The following MGAT1 variants were observed in gnomAD, a reference collection of about 807,000 sequenced individuals.
MGAT1 encodes the protein alpha-1,3-mannosyl-glycoprotein 2-beta-N-acetylglucosaminyltransferase.
A neutral mutation model predicts 31.7 loss-of-function variants in MGAT1; 14 were observed. The ratio of observed to expected loss-of-function variants is 0.44; its 90% CI spans 0.29 to 0.69. The LOEUF (loss-of-function observed/expected upper bound fraction) is 0.69, where lower values mean the gene tolerates loss of function less well. MGAT1 is among the 30% of genes least tolerant of loss of function. The pLI is 0.12. For missense variants in MGAT1, 557 were observed against 626.0 expected (o/e 0.89, Z 1.18); for synonymous variants, 338 against 276.0 (o/e 1.22, Z -2.23).
chr5:180,798,428 C>A (rs142431353), intron 1 of MGAT1, among the ~76,000 whole-genome samples: 328 of 152,246 alleles, frequency 2.2e-3, no homozygotes, highest in African/African-American at 7.4e-3. Context: ...CATGTAAGGT[C>A]CACCTACCCT....
In MGAT1 at chr5:180,786,631, TCTTC is replaced by T. The variant is rs1303592105; in HGVS notation, c.*4999_*5002del. 2.0e-5 allele frequency: 3 copies of T among 152,578 alleles called. No individual in the cohort carries two copies. Among genetic ancestry groups the T allele is most frequent in the South Asian group, 4.1e-4 (2 of 4,828 alleles). The allele number at this position is 152,578 out of a possible 1,614,324, so 9.5% of individuals were successfully genotyped here. On this transcript the variant is annotated 3_prime_UTR_variant, in exon 2 of 2. Coordinates refer to ENST00000307826, the MANE Select transcript of MGAT1 (RefSeq NM_002406.4). ...GGCAGCTGCCATCCACCCTTTACCT[TCTTC>T]CTTCCTCCTTCTTCCTAAAACGTGT...
At chr5:180,814,587 G>A (rs1581936827) in intron 1 of MGAT1, among the ~76,000 whole-genome samples, 1 of 152,172 alleles carries the variant, frequency 6.6e-6, no homozygotes, top group African/African-American at 2.4e-5. Flanking sequence ...AAGTCACATG[G>A]CTTCCAGTAT....
rs781080104 is a variant in MGAT1, at chr5:180,791,689, C to T, written c.1283G>A (p.Arg428His). ...CGTCAGTGGGGGCGCCAGGTGGACA[C>T]GGCGGCCCCGGAACTGGAAGGTGAC... is the stretch of plus-strand genomic sequence containing the variant. Reference protein sequence around the residue: ...GIVTFQFRGRRVHLAPPLTWE... With the variant: ...GIVTFQFRGRHVHLAPPLTWE... Residue 428 changes from arginine (R) to histidine (H), a missense_variant, in exon 2 of 2, where the codon CGT becomes CAT. Arg to His is a conservative substitution (Grantham distance 29). Transcript: ENST00000307826. 20 of 1,613,706 alleles carry T rather than the reference C, an allele frequency of 1.2e-5. No homozygotes were observed. Among genetic ancestry groups the T allele is most frequent in the South Asian group, 2.2e-5 (2 of 91,086 alleles).
intron 1 of MGAT1, chr5:180,810,120 C>G (rs968656635): frequency 2.0e-5 from 3 of 151,208 alleles, no homozygotes; most frequent in East Asian, 3.9e-4. Context: ...CGATCCCCAG[C>G]GCTGGCCCAG....
upstream of MGAT1, among the ~76,000 whole-genome samples, chr5:180,806,404 T>A (rs903178093): frequency 6.6e-6 from 1 of 152,156 alleles, no homozygotes; most frequent in Non-Finnish European, 1.5e-5. Context: ...CCAATGGTTG[T>A]CTTGAAGGGA....
chr5:180,795,338 C>T (rs1200047283), intron 1 of MGAT1: 3 of 151,802 alleles, frequency 2.0e-5, no homozygotes, highest in Admixed American at 6.5e-5. Flanking sequence ...TCAAATTGTA[C>T]ACTTTATATG....
intron 1 of MGAT1, among the ~76,000 whole-genome samples, chr5:180,814,864 CG>C (rs1468216949): frequency 6.6e-6 from 1 of 150,730 alleles, no homozygotes; most frequent in African/African-American, 2.4e-5. Context: ...CGCTTGAACC[CG>C]GGGGGGCGGT....
At chr5:180,797,272 C>T (rs1423553861) in intron 1 of MGAT1, among the ~76,000 whole-genome samples, 2 of 151,990 alleles carry the variant, frequency 1.3e-5, no homozygotes, top group Admixed American at 6.6e-5. Flanking sequence ...TGTGGTGGTG[C>T]GTGCCTGTAA....
chr5:180,797,338 G>A, intron 1 of MGAT1, among the ~76,000 whole-genome samples: 2 of 149,110 alleles, frequency 1.3e-5, no homozygotes, highest in Non-Finnish European at 3.0e-5. Context: ...GGAGGCGGAG[G>A]TTGCAGTGAG....
In MGAT1 at chr5:180,792,745, C is replaced by G; in HGVS notation, c.227G>C (p.Gly76Ala). The G allele has an allele frequency of 6.5e-7, 1 of 1,547,890 alleles. No individual in the cohort carries two copies. ...ERQRGLLQQI[G>A]DALSSQRGRV... ...CCCCCGCTGGCTCGACAGGGCATCC[C>G]CGATCTGCTGCAGCAGCCCACGCTG... Residue 76 changes from glycine to alanine, a missense_variant, in exon 2 of 2, where the codon GGG becomes GCG. By Grantham distance (60) the Gly-to-Ala change is moderately conservative. Transcript: ENST00000307826.
intron 1 of MGAT1, among the ~76,000 whole-genome samples, chr5:180,812,148 A>G (rs1377680072): frequency 1.3e-5 from 2 of 152,118 alleles, no homozygotes; most frequent in African/African-American, 4.8e-5. Context: ...TTGATTTTTG[A>G]TTGCTATATC....
intron 1 of MGAT1, among the ~76,000 whole-genome samples, chr5:180,793,421 AACC>A: frequency 6.6e-6 from 1 of 152,146 alleles, no homozygotes. Context: ...CCATTCCTCT[AACC>A]TAAGCGCCCC....
At position 180,792,390 on chromosome 5, in the gene MGAT1, G is replaced by C. The variant is rs370893288; in HGVS notation, c.582C>G (p.Gly194=). ...GGAAGCGAAACTGCCGGAAGACCTG[G>C]CCCAGCGCCCAGCGGTAGTGGCGCG... The part of the protein sequence containing the change: ...KIARHYRWAL[G]QVFRQFRFPA... The change falls in exon 2 of 2, where the codon GGC becomes GGG. Residue 194 remains glycine (G), a synonymous_variant. Transcript: ENST00000307826. 6.2e-7 allele frequency: 1 copy of C among 1,610,478 alleles called. No homozygotes were observed. The highest frequency in any genetic ancestry group is 1.3e-5 in the African/African-American group (1 of 75,018).
chr5:180,811,700 C>G (rs1380627211), intron 1 of MGAT1, among the ~76,000 whole-genome samples: 1 of 151,538 alleles, frequency 6.6e-6, no homozygotes, highest in Non-Finnish European at 1.5e-5. Context: ...GTACAGCAGC[C>G]ACAGGGATCC....
chr5:180,804,666 A>G (rs558032710), upstream of MGAT1, among the ~76,000 whole-genome samples: 40 of 152,324 alleles, frequency 2.6e-4, no homozygotes, highest in Non-Finnish European at 5.4e-4. Flanking sequence ...GGAAAAAACA[A>G]TTGTGTTTCC....
At chr5:180,801,133 C>A (rs1770677456) in intron 1 of MGAT1, among the ~76,000 whole-genome samples, 1 of 152,212 alleles carries the variant, frequency 6.6e-6, no homozygotes, top group African/African-American at 2.4e-5. Context: ...GAAGGACTGC[C>A]TAGGAGCTGT....
chr5:180,787,165 G>A lies in MGAT1; in HGVS notation c.*4469C>T, dbSNP rs2113140278. On this transcript the variant is annotated 3_prime_UTR_variant, in exon 2 of 2. Transcript: ENST00000307826. ...AGAGGCTCTGGCAGGAAGAACAGCTGGACCCGAGTCAGACACGCAGGTCAC... is the reference window on the plus strand; with the variant it reads ...AGAGGCTCTGGCAGGAAGAACAGCTAGACCCGAGTCAGACACGCAGGTCAC... 6.6e-6 allele frequency: 1 copy of A among 152,530 alleles called. No individual in the cohort carries two copies. The highest frequency in any genetic ancestry group is 1.9e-4 in the East Asian group (1 of 5,186). 9.4% of individuals were successfully genotyped at this position (152,530 alleles called of 1,614,324 possible). A position where few individuals can be genotyped will look rare whatever the true frequency, so the allele number is the denominator to read the frequency against.
At chr5:180,810,464 A>C (rs1013634008) in intron 1 of MGAT1, 8 of 152,508 alleles carry the variant, frequency 5.2e-5, no homozygotes, top group African/African-American at 1.4e-4. Flanking sequence ...ACTGGCCAGC[A>C]GCGGAAGCGC....
intron 1 of MGAT1, among the ~76,000 whole-genome samples, chr5:180,802,385 G>A (rs1460499722): frequency 6.6e-6 from 1 of 152,002 alleles, no homozygotes; most frequent in Non-Finnish European, 1.5e-5. Context: ...CCGCACGCAC[G>A]GACGCCCGGG....
Sources: allele counts gnomAD v4.1 joint callset (sites outside exome capture counted in the v4.1 genomes callset), GRCh38; gene constraint gnomAD v4.1.1; transcripts MANE v1.5; gene names NCBI Gene and HGNC (gene_info 2026-07-23, HGNC 2026-07-21).